The following KCNQ5 variants were observed in gnomAD, a reference collection of about 807,000 sequenced individuals.
KCNQ5 encodes potassium voltage-gated channel subfamily Q member 5.
KCNQ5 carries 30 observed loss-of-function variants against 98.2 expected under a neutral mutation model. The observed-to-expected ratio is 0.31, with a 90% CI of 0.23 to 0.41. The LOEUF (loss-of-function observed/expected upper bound fraction) is 0.41. Among genes scored for constraint, KCNQ5 ranks in the 10% least tolerant of loss-of-function variants. The probability of loss-of-function intolerance (pLI) is 1.00; values close to 1 mark genes in which losing one functional copy is unlikely to be tolerated. For synonymous variants in KCNQ5, 458 were observed against 449.4 expected (o/e 1.02, Z -0.24); for missense variants, 835 against 1,182.5 (o/e 0.71, Z 4.31).
At chr6:73,188,927 G>A (rs566171597) in intron 11 of KCNQ5, among the ~76,000 whole-genome samples, 52 of 146,148 alleles carry the variant, frequency 3.6e-4, no homozygotes, top group African/African-American at 1.1e-3. Flanking sequence ...AAATTACTAC[G>A]AGCTGAGATC....
rs139166369 is a variant in KCNQ5, at chr6:72,871,515, A to G, written c.399-132393A>G. The stretch of plus-strand genomic sequence containing the variant: ...TGCTTTGGAATCAATCACTAAAGAA[A>G]TAGCTACTCACTAAAGTTAGAGATT... On this transcript the variant is annotated intron_variant, in intron 1 of 13. Coordinates refer to ENST00000370398, the MANE Select transcript of KCNQ5 (RefSeq NM_019842.4). Among the ~76,000 whole-genome samples the G allele has an allele frequency of 8.6e-4, 131 of 152,354 alleles. 1 individual carries two copies. In the East Asian group the frequency reaches 0.023, roughly 27 times the overall value.
At chr6:72,806,156 A>G (rs957425232) in intron 1 of KCNQ5, among the ~76,000 whole-genome samples, 1 of 152,106 alleles carries the variant, frequency 6.6e-6, no homozygotes, top group African/African-American at 2.4e-5. Flanking sequence ...TAGAAACTGA[A>G]GCTTGTGAGA....
At chr6:72,994,186 A>T in intron 1 of KCNQ5, among the ~76,000 whole-genome samples, 1 of 80,720 alleles carries the variant, frequency 1.2e-5, no homozygotes, top group Non-Finnish European at 2.3e-5. Context: ...GGTGGGCTCC[A>T]CCCAGTTCGA....
intron 10 of KCNQ5, among the ~76,000 whole-genome samples, chr6:73,146,063 G>C (rs896358601): frequency 3.3e-5 from 5 of 152,130 alleles, no homozygotes; most frequent in African/African-American, 9.7e-5. Context: ...ATGAGATTTG[G>C]GTGGGGATAC....
At chr6:73,017,480 A>G (rs1456446870) in intron 2 of KCNQ5, among the ~76,000 whole-genome samples, 1 of 152,142 alleles carries the variant, frequency 6.6e-6, no homozygotes, top group African/African-American at 2.4e-5. Flanking sequence ...TGGAAGCAAT[A>G]GGGTAGGTCC....
At chr6:72,824,856 T>C (rs2840802) in intron 1 of KCNQ5, among the ~76,000 whole-genome samples, 149,438 of 152,194 alleles carry the variant, frequency 0.98, 73,433 homozygotes, top group East Asian at 1. Context: ...GATACGTAAA[T>C]AGTCATCCCA....
intron 11 of KCNQ5, among the ~76,000 whole-genome samples, chr6:73,184,764 T>C (rs957997553): frequency 2.6e-5 from 4 of 152,158 alleles, no homozygotes. Context: ...CTGGAACAAT[T>C]AGCATTTTAG....
At chr6:72,648,943 G>A (rs1005934447) in intron 1 of KCNQ5, among the ~76,000 whole-genome samples, 2 of 152,040 alleles carry the variant, frequency 1.3e-5, no homozygotes. Context: ...TGGATGATAC[G>A]GGTCAGGACC....
intron 1 of KCNQ5, among the ~76,000 whole-genome samples, chr6:72,644,592 TAGAC>T (rs1167642352): frequency 1.3e-5 from 2 of 152,148 alleles, no homozygotes; most frequent in Non-Finnish European, 2.9e-5. Flanking sequence ...CAGCAATACA[TAGAC>T]AGCATGTATG....
At chr6:72,798,575 A>G (rs1774466475) in intron 1 of KCNQ5, among the ~76,000 whole-genome samples, 1 of 152,178 alleles carries the variant, frequency 6.6e-6, no homozygotes, top group Non-Finnish European at 1.5e-5. Flanking sequence ...CAGCCTCCAG[A>G]ACTGTAAAAA....
intron 3 of KCNQ5, among the ~76,000 whole-genome samples, chr6:73,057,266 G>A (rs1207190707): frequency 1.3e-5 from 2 of 150,994 alleles, no homozygotes; most frequent in Non-Finnish European, 2.9e-5. Flanking sequence ...CTCATAGGTG[G>A]GAATTGAACA....
At chr6:72,880,370 G>C (rs968865255) in intron 1 of KCNQ5, among the ~76,000 whole-genome samples, 1 of 152,106 alleles carries the variant, frequency 6.6e-6, no homozygotes, top group African/African-American at 2.4e-5. Flanking sequence ...GGGGCGAGGG[G>C]TCTCCTTATG....
At chr6:72,736,618 G>A (rs534165895) in intron 1 of KCNQ5, among the ~76,000 whole-genome samples, 1 of 143,314 alleles carries the variant, frequency 7.0e-6, no homozygotes, top group Non-Finnish European at 1.5e-5. Flanking sequence ...TCCTGCCTCA[G>A]CCTCCCAAGT....
At chr6:72,939,168 G>T (rs1214398165) in intron 1 of KCNQ5, among the ~76,000 whole-genome samples, 1 of 152,150 alleles carries the variant, frequency 6.6e-6, no homozygotes, top group Non-Finnish European at 1.5e-5. Flanking sequence ...GTGGAAGCTG[G>T]GTTGAGGAGG....
At chr6:72,934,151 G>A (rs553562125) in intron 1 of KCNQ5, among the ~76,000 whole-genome samples, 4 of 152,264 alleles carry the variant, frequency 2.6e-5, no homozygotes, top group South Asian at 2.1e-4. Flanking sequence ...CTTGAGTTAC[G>A]GGGTTTCTCT....
intron 1 of KCNQ5, among the ~76,000 whole-genome samples, chr6:72,801,684 T>G (rs1173122288): frequency 1.1e-4 from 17 of 147,886 alleles, no homozygotes; most frequent in South Asian, 2.2e-4. Flanking sequence ...GTTAGCTGGT[T>G]ATTTTGCTCG....
intron 1 of KCNQ5, among the ~76,000 whole-genome samples, chr6:72,982,480 AC>A (rs1768511804): frequency 9.0e-6 from 1 of 110,554 alleles, no homozygotes; most frequent in Non-Finnish European, 1.8e-5. Flanking sequence ...TAGGATTGCA[AC>A]CCCTGCTTTT....
At chr6:72,854,069 T>C (rs1327986130) in intron 1 of KCNQ5, among the ~76,000 whole-genome samples, 1 of 152,090 alleles carries the variant, frequency 6.6e-6, no homozygotes, top group East Asian at 1.9e-4. Flanking sequence ...TGCAATGAGG[T>C]TACAATGACC....
intron 5 of KCNQ5, among the ~76,000 whole-genome samples, chr6:73,082,979 C>A (rs1773842236): frequency 6.7e-6 from 1 of 149,818 alleles, no homozygotes; most frequent in African/African-American, 2.5e-5. Flanking sequence ...CAGCCTCAAC[C>A]TCCCAGGTTC....
Sources: gnomAD v4.1 joint callset for allele counts (sites outside exome capture counted in the v4.1 genomes callset) on GRCh38, gnomAD v4.1.1 for gene constraint, MANE v1.5 for transcripts, NCBI Gene and HGNC (gene_info 2026-07-23, HGNC 2026-07-21) for gene names.